Variants in WDR62 observed in about 807,000 individuals in gnomAD.
The protein encoded by WDR62 is WD repeat domain 62.
In WDR62, 112 loss-of-function variants were observed where a neutral mutation model predicts 160.6. That is an observed-to-expected ratio of 0.70 (90% CI 0.60 to 0.82). The LOEUF (loss-of-function observed/expected upper bound fraction) is 0.82. Ranked by LOEUF, WDR62 falls within the 40% of genes least tolerant of loss-of-function variation. WDR62 has a pLI of 0.00. For missense variants in WDR62, 1,819 were observed against 1,983.8 expected (o/e 0.92, Z 1.58); for synonymous variants, 792 against 815.1 (o/e 0.97, Z 0.48).
chr19:36,105,957 C>A (rs1352200124), downstream of WDR62, among the ~76,000 whole-genome samples: 3 of 152,168 alleles, frequency 2.0e-5, no homozygotes, highest in African/African-American at 7.2e-5. Flanking sequence ...CCTCGGCCTC[C>A]CAAAGTGCTG....
chr19:36,099,341 C>T (rs889758912), intron 21 of WDR62, 58 bp from the exon 22 acceptor site: 19 of 1,444,128 alleles, frequency 1.3e-5, no homozygotes, highest in Middle Eastern at 2.4e-4. Context: ...ATGTCCGTGT[C>T]GCTCCCTGCA....
chr19:36,058,959 C>G, intron 2 of WDR62, 88 bp downstream of exon 2: 1 of 1,094,302 alleles, frequency 9.1e-7, no homozygotes, highest in East Asian at 2.6e-5. Flanking sequence ...CTCTGAGCCT[C>G]ATATTTTTCA....
rs1205268674 is a variant in WDR62, at chr19:36,097,096, A to G, written c.2520+17A>G. On this transcript the variant is annotated intron_variant, in intron 21 of 31. Coordinates refer to ENST00000401500, the MANE Select transcript of WDR62 (RefSeq NM_001083961.2). ...AAGCGGCTGGTAAGTCTTCAGGGAGAGGGTTGCTCAGGGGCTGGCAGAGGA... is the reference window on the plus strand; with the variant it reads ...AAGCGGCTGGTAAGTCTTCAGGGAGGGGGTTGCTCAGGGGCTGGCAGAGGA... 6.2e-7 allele frequency: 1 copy of G among 1,613,324 alleles called. No individual in the cohort carries two copies. The highest frequency in any genetic ancestry group is 1.1e-5 in the South Asian group (1 of 90,896).
chr19:36,074,970 A>G (rs1188277732), intron 9 of WDR62: 2 of 151,678 alleles, frequency 1.3e-5, no homozygotes, highest in Non-Finnish European at 2.9e-5. Context: ...CAACAACAGT[A>G]TCTGTGGATA....
At chr19:36,063,288 C>T (rs796654639) in intron 3 of WDR62, among the ~76,000 whole-genome samples, 32 of 150,110 alleles carry the variant, frequency 2.1e-4, no homozygotes, top group African/African-American at 6.9e-4. Context: ...CTCACACTGT[C>T]GCCCGGGCTG....
downstream of WDR62, among the ~76,000 whole-genome samples, chr19:36,106,664 G>A (rs1973721239): frequency 1.3e-5 from 2 of 152,228 alleles, no homozygotes; most frequent in African/African-American, 4.8e-5. Context: ...CGTGATCTGT[G>A]TGGAAGCAAG....
intron 11 of WDR62, 131 bp downstream of exon 11, chr19:36,083,372 C>A: frequency 1.1e-6 from 1 of 938,172 alleles, no homozygotes; most frequent in Non-Finnish European, 1.7e-6. Context: ...AATAGTAATC[C>A]CATGAACAGC....
intron 7 of WDR62, among the ~76,000 whole-genome samples, chr19:36,068,773 C>G (rs1359991110): frequency 2.0e-5 from 3 of 152,198 alleles, no homozygotes; most frequent in African/African-American, 7.2e-5. Context: ...ACAGACACAG[C>G]AACAATCTGA....
rs1170059896 is a variant in WDR62, at chr19:36,084,761, G to A, written c.1642+17G>A. 9.3e-6 allele frequency: 15 copies of A among 1,610,836 alleles called. No individual in the cohort carries two copies. In the South Asian group the frequency reaches 1.5e-4, roughly 17 times the overall value. On this transcript the variant is annotated intron_variant, in intron 12 of 31. Coordinates refer to ENST00000401500, the MANE Select transcript of WDR62 (RefSeq NM_001083961.2). ...CAGAGACGGGTGAGCCCGCAGCAGG[G>A]GTGGAATGGGGGTCAGGCAGGGAGG...
chr19:36,094,301 C>A lies in WDR62; in HGVS notation c.2467+137C>A, dbSNP rs547135334. ...GGGTGCGGTGGCTGATACCTGTAAT[C>A]CCAGCACTTTGGGAGGCCGAGGTGG... On this transcript the variant is annotated intron_variant, in intron 20 of 31. Coordinates refer to ENST00000401500, the MANE Select transcript of WDR62 (RefSeq NM_001083961.2). 2.6e-6 allele frequency: 3 copies of A among 1,153,744 alleles called. No homozygotes were observed. The East Asian group carries it at 7.7e-5, about 30-fold the overall frequency. The allele number at this position is 1,153,744 out of a possible 1,614,324, so 71.5% of individuals were successfully genotyped here.
intron 2 of WDR62, chr19:36,059,191 C>A: frequency 2.0e-6 from 1 of 496,630 alleles, no homozygotes; most frequent in Admixed American, 2.4e-5. Context: ...GCCATGTATG[C>A]TGCTCTCTGA....
chr19:36,091,316 G>A lies in WDR62; in HGVS notation c.2146+5G>A. On this transcript the variant is annotated splice_donor_5th_base_variant and intron_variant, in intron 17 of 31. Coordinates refer to ENST00000401500, the MANE Select transcript of WDR62 (RefSeq NM_001083961.2). The stretch of plus-strand genomic sequence containing the variant: ...CCAAGATGTTTGGCCATTCAGGTGG[G>A]TGTGCCTCTCTGCTTGGGATGCCTC... The A allele has an allele frequency of 1.2e-6, 2 of 1,614,054 alleles. No homozygotes were observed. The highest frequency in any genetic ancestry group is 1.7e-6 in the Non-Finnish European group (2 of 1,179,974).
At chr19:36,063,206 G>A (rs1970754569) in intron 3 of WDR62, among the ~76,000 whole-genome samples, 1 of 152,162 alleles carries the variant, frequency 6.6e-6, no homozygotes, top group African/African-American at 2.4e-5. Context: ...GCCTCCCAAA[G>A]TGCTGGGATT....
At chr19:36,061,873 A>C (rs908922707) in intron 3 of WDR62, 9 of 152,190 alleles carry the variant, frequency 5.9e-5, no homozygotes, top group African/African-American at 1.9e-4. Flanking sequence ...AAATAATTTC[A>C]GACTTAGAAT....
intron 9 of WDR62, among the ~76,000 whole-genome samples, chr19:36,079,066 T>G (rs2145687429): frequency 6.6e-6 from 1 of 152,144 alleles, no homozygotes; most frequent in South Asian, 2.1e-4. Flanking sequence ...TTTCTTTTTT[T>G]TGTGGGGGTG....
chr19:36,099,539 C>A lies in WDR62; in HGVS notation c.2661C>A (p.Thr887=). 6.2e-7 allele frequency: 1 copy of A among 1,614,206 alleles called. No homozygotes were observed. The highest frequency in any genetic ancestry group is 8.5e-7 in the Non-Finnish European group (1 of 1,180,028). The change falls in exon 22 of 32, where the codon ACC becomes ACA. Residue 887 remains threonine, a synonymous_variant. Coordinates refer to ENST00000401500, the MANE Select transcript of WDR62 (RefSeq NM_001083961.2). ...CCCAGGACCTGGATTGCTACTTTACCCCCATGAAGCCCGAGAGTCTGGAGA... is the reference window on the plus strand; with the variant it reads ...CCCAGGACCTGGATTGCTACTTTACACCCATGAAGCCCGAGAGTCTGGAGA... ...LDAQDLDCYF[T]PMKPESLENS...
rs139718873 is a variant in WDR62 at position 36,087,690 on chromosome 19, A to C, written c.1768+878A>C. Among the ~76,000 whole-genome samples the C allele has an allele frequency of 1.2e-3, 172 of 144,914 alleles. 2 individuals carry two copies. The East Asian group carries it at 0.028, about 24-fold the overall frequency. On this transcript the variant is annotated intron_variant, in intron 13 of 31. Coordinates refer to ENST00000401500, the MANE Select transcript of WDR62 (RefSeq NM_001083961.2). The stretch of plus-strand genomic sequence containing the variant: ...AAAAAGTAACCGGGCATGGTGGTGC[A>C]CACCTGTAATCCCAGCTACTTGGGA...
chr19:36,058,922 T>C (rs1373753204), intron 2 of WDR62, 51 bp downstream of exon 2: 3 of 1,494,730 alleles, frequency 2.0e-6, no homozygotes, highest in African/African-American at 2.8e-5. Context: ...AATTTGGAGC[T>C]TGGAACCTGA....
chr19:36,058,996 G>A, intron 2 of WDR62, 125 bp downstream of exon 2: 1 of 801,318 alleles, frequency 1.2e-6, no homozygotes, highest in Non-Finnish European at 2.2e-6. Context: ...AATGGGGCCT[G>A]CCTCTGAGAG....
Sources: gnomAD v4.1 joint callset for allele counts (sites outside exome capture counted in the v4.1 genomes callset) on GRCh38, gnomAD v4.1.1 for gene constraint, MANE v1.5 for transcripts, NCBI Gene and HGNC (gene_info 2026-07-23, HGNC 2026-07-21) for gene names.